The following KIF7 variants were observed in gnomAD, a reference collection of about 807,000 sequenced individuals.
KIF7 encodes kinesin family member 7, also known as kinesin-like protein KIF7.
A neutral mutation model predicts 135.7 loss-of-function variants in KIF7; 104 were observed. That is an observed-to-expected ratio of 0.77 (90% CI 0.65 to 0.90). The LOEUF is 0.90. KIF7 is among the 40% of genes least tolerant of loss of function. The pLI is 0.00. For synonymous variants in KIF7, 883 were observed against 809.4 expected (o/e 1.09, Z -1.54); for missense variants, 2,005 against 1,839.1 (o/e 1.09, Z -1.65).
intron 14 of KIF7, among the ~76,000 whole-genome samples, chr15:89,632,479 G>T (rs1320897410): frequency 1.3e-5 from 2 of 152,214 alleles, no homozygotes; most frequent in African/African-American, 2.4e-5. Flanking sequence ...TTGGAGGATG[G>T]ACACTTAAGA....
chr15:89,660,205 C>T (rs7164351), upstream of KIF7, among the ~76,000 whole-genome samples: 14,874 of 152,114 alleles, frequency 0.098, 2,434 homozygotes, highest in African/African-American at 0.34. Flanking sequence ...TCTCAAAAAA[C>T]ATATATATGG....
chr15:89,656,126 A>G (rs1455955523), upstream of KIF7, among the ~76,000 whole-genome samples: 1 of 152,226 alleles, frequency 6.6e-6, no homozygotes, highest in African/African-American at 2.4e-5. Context: ...ATGTATATAG[A>G]AGATTACCTG....
Position 89,628,238 on chromosome 15 carries a change from G to C in KIF7, c.*181C>G. ...GTGGTGGGAATTTGCATATTATTTTGTTAAATGAGGGTCCAGTTCTTTTGG... is the reference window on the plus strand; with the variant it reads ...GTGGTGGGAATTTGCATATTATTTTCTTAAATGAGGGTCCAGTTCTTTTGG... On this transcript the variant is annotated 3_prime_UTR_variant, in exon 19 of 19. Transcript: ENST00000394412. 1.5e-6 allele frequency: 1 copy of C among 656,972 alleles called. No individual in the cohort carries two copies. The allele number at this position is 656,972 out of a possible 1,614,324, so 40.7% of individuals were successfully genotyped here.
chr15:89,629,165 C>T (rs958064074), intron 17 of KIF7, 43 bp from the exon 18 acceptor site: 21 of 1,256,214 alleles, frequency 1.7e-5, no homozygotes, highest in African/African-American at 4.1e-5. Flanking sequence ...GGGCTGCAGG[C>T]GGGGCAGGCG....
At position 89,619,578 on chromosome 15, in the gene KIF7, A is replaced by C. The variant is rs1347650434; in HGVS notation, c.181-1383T>G. On this transcript the variant is annotated intron_variant and NMD_transcript_variant, in intron 1 of 2. Coordinates refer to the KIF7 transcript ENST00000558928. ...TTAAGAGACACTTCAGAAGTCTCTTAAAGCTAATAGCTTGCTGAATTTCCA... is the reference window on the plus strand; with the variant it reads ...TTAAGAGACACTTCAGAAGTCTCTTCAAGCTAATAGCTTGCTGAATTTCCA... The C allele has an allele frequency of 5.2e-6, 5 of 955,876 alleles. No homozygotes were observed. The African/African-American group carries it at 8.2e-5, about 16-fold the overall frequency. 59.2% of individuals were successfully genotyped at this position (955,876 alleles called of 1,614,324 possible).
At chr15:89,637,163 G>C (rs1211171438) in intron 11 of KIF7, among the ~76,000 whole-genome samples, 1 of 120,814 alleles carries the variant, frequency 8.3e-6, no homozygotes, top group Non-Finnish European at 1.7e-5. Context: ...CAGAATCTCT[G>C]GGACACATTC....
Position 89,646,934 on chromosome 15 carries a change from G to A in KIF7, c.1684C>T (p.Arg562Ter). 2 of 1,613,972 alleles carry A rather than the reference G, an allele frequency of 1.2e-6. No individual in the cohort carries two copies. Among genetic ancestry groups the A allele is most frequent in the East Asian group, 2.2e-5 (1 of 44,862 alleles). The change falls in exon 7 of 19, where the codon CGA becomes TGA. Residue 562 changes from arginine (R) to a stop codon, truncating the protein, a stop_gained. Coordinates refer to ENST00000394412, the MANE Select transcript of KIF7 (RefSeq NM_198525.3). LOFTEE classifies it high-confidence loss of function. ...NGLPPGSFVP[R>*]PHTAPLGGAH... is the part of the protein sequence containing the mutation. ...CCCCCCAGGGGGGCTGTATGAGGTC[G>A]AGGCACAAAGGACCCGGGAGGCAGG...
At chr15:89,635,310 G>C (rs1052182919) in intron 11 of KIF7, among the ~76,000 whole-genome samples, 2 of 152,218 alleles carry the variant, frequency 1.3e-5, no homozygotes. Flanking sequence ...ACCAGCAACG[G>C]AACAAAGCTG....
At chr15:89,625,087 G>T, downstream of KIF7, 1 of 1,613,916 alleles carries the variant, frequency 6.2e-7, no homozygotes, top group Non-Finnish European at 8.5e-7. Context: ...CAGCAAGGAG[G>T]AGAGCTCTCT....
Position 89,649,954 on chromosome 15 carries a change from C to T in KIF7, c.329-13G>A, listed in dbSNP as rs771408124. 3.9e-6 allele frequency: 6 copies of T among 1,548,888 alleles called. No homozygotes were observed. Among genetic ancestry groups the T allele is most frequent in the Non-Finnish European group, 5.2e-6 (6 of 1,146,774 alleles). On this transcript the variant is annotated splice_polypyrimidine_tract_variant and intron_variant, in intron 2 of 18. Coordinates refer to ENST00000394412, the MANE Select transcript of KIF7 (RefSeq NM_198525.3). ...TCAAGGAGGGAGGCTGGGGAGACACCGCAGGGCCTCCTGCCACTTCAGCTG... is the reference window on the plus strand; with the variant it reads ...TCAAGGAGGGAGGCTGGGGAGACACTGCAGGGCCTCCTGCCACTTCAGCTG...
chr15:89,642,528 C>A (rs1265277030), intron 10 of KIF7, 123 bp from the exon 11 acceptor site: 3 of 649,048 alleles, frequency 4.6e-6, no homozygotes. Context: ...GCCTTTGCAC[C>A]ACCAGTACCA....
intron 15 of KIF7, among the ~76,000 whole-genome samples, chr15:89,631,237 ACAGGAGTC>A (rs1403046576): frequency 1.3e-5 from 2 of 152,224 alleles, no homozygotes; most frequent in African/African-American, 4.8e-5. Flanking sequence ...GCAGCACAGA[ACAGGAGTC>A]CAGGCTCCAG....
intron 15 of KIF7, 137 bp from the exon 16 acceptor site, chr15:89,630,630 C>A (rs1173302415): frequency 1.4e-6 from 1 of 732,910 alleles, no homozygotes; most frequent in Non-Finnish European, 2.4e-6. Flanking sequence ...GTCAGCCCAT[C>A]GAGAGAGGTG....
At chr15:89,643,215 T>C (rs1963953609) in intron 10 of KIF7, among the ~76,000 whole-genome samples, 1 of 152,212 alleles carries the variant, frequency 6.6e-6, no homozygotes, top group Non-Finnish European at 1.5e-5. Flanking sequence ...GGAAATTATA[T>C]TTTTCTAAAT....
At chr15:89,656,809 G>A (rs1964211974), upstream of KIF7, among the ~76,000 whole-genome samples, 1 of 152,204 alleles carries the variant, frequency 6.6e-6, no homozygotes, top group Non-Finnish European at 1.5e-5. Context: ...TTGACATGCT[G>A]TAGAATGACA....
rs148310019 is a variant in KIF7, at chr15:89,650,844, G to A, written c.329-903C>T. 3.0e-4 allele frequency among the ~76,000 whole-genome samples: 46 copies of A among 152,154 alleles called. No individual in the cohort carries two copies. In the East Asian group the frequency reaches 8.3e-3, roughly 28 times the overall value. On this transcript the variant is annotated intron_variant, in intron 2 of 18. Transcript: ENST00000394412. ...TCCCAGCTCAGCCTCCCAAAGTGAT[G>A]GGATTACATGTGTGAGCCCCTGCGC...
upstream of KIF7, among the ~76,000 whole-genome samples, chr15:89,656,040 A>G (rs534644311): frequency 6.6e-6 from 1 of 152,292 alleles, no homozygotes; most frequent in South Asian, 2.1e-4. Context: ...GAATTTTAAA[A>G]TCTGAAAACA....
At chr15:89,626,247 A>T (rs959718693), downstream of KIF7, among the ~76,000 whole-genome samples, 9 of 152,202 alleles carry the variant, frequency 5.9e-5, no homozygotes, top group Admixed American at 5.9e-4. Flanking sequence ...TGTGCATGTG[A>T]ACAGAAGCCC....
intron 11 of KIF7, among the ~76,000 whole-genome samples, chr15:89,634,129 T>G (rs1194300162): frequency 6.6e-6 from 1 of 151,694 alleles, no homozygotes; most frequent in Non-Finnish European, 1.5e-5. Context: ...TGAAATCCTG[T>G]CTCTACTAAA....
Sources: gnomAD v4.1 joint callset for allele counts (sites outside exome capture counted in the v4.1 genomes callset) on GRCh38, gnomAD v4.1.1 for gene constraint, MANE v1.5 for transcripts, NCBI Gene and HGNC (gene_info 2026-07-23, HGNC 2026-07-21) for gene names.